DCDC2C: variants seen among roughly 807,000 people sequenced by gnomAD.
DCDC2C encodes doublecortin domain-containing protein 2C.
Under a neutral mutation model 45.0 loss-of-function variants are expected in DCDC2C, and 44 were observed. The ratio of observed to expected loss-of-function variants is 0.98; its 90% CI spans 0.77 to 1.26. The LOEUF (loss-of-function observed/expected upper bound fraction) is 1.26, where lower values mean the gene tolerates loss of function less well. Among genes scored for constraint, DCDC2C ranks in the 50% most tolerant of loss-of-function variants. The probability of loss-of-function intolerance (pLI) is 0.00; values close to 1 mark genes in which losing one functional copy is unlikely to be tolerated. For synonymous variants in DCDC2C, 187 were observed against 178.8 expected, an observed-to-expected ratio of 1.05 and a Z score of -0.37; for missense variants, 447 against 468.9, an observed-to-expected ratio of 0.95 and a Z score of 0.43.
At chr2:3,831,146 T>G (rs1434460103) in intron 10 of DCDC2C, among the ~76,000 whole-genome samples, 2 of 151,254 alleles carry the variant, frequency 1.3e-5, no homozygotes, top group Non-Finnish European at 2.9e-5. Context: ...CCGTAAAAAC[T>G]TGGGGTGGTT....
At chr2:3,725,149 G>A (rs1668605638) in intron 2 of DCDC2C, among the ~76,000 whole-genome samples, 2 of 152,172 alleles carry the variant, frequency 1.3e-5, no homozygotes, top group Non-Finnish European at 2.9e-5. Context: ...CTGGGTGGGT[G>A]TGAAGTAGGC....
In DCDC2C at chr2:3,818,519, G is replaced by T. The variant is rs1436856989; in HGVS notation, c.1066-28635G>T. 1.3e-5 allele frequency among the ~76,000 whole-genome samples: 2 copies of T among 152,162 alleles called. No homozygotes were observed. The highest frequency in any genetic ancestry group is 4.1e-4 in the South Asian group (2 of 4,830). On this transcript the variant is annotated intron_variant, in intron 10 of 10. Coordinates refer to ENST00000399143, the MANE Select transcript of DCDC2C (RefSeq NM_001287444.2). This position sits in a 1 kb window ranked among gnomAD's most constrained non-coding sequence, Gnocchi z 4.7. ...GGCAGATCCTGAACTAACATGTAAG[G>T]CTTGTCCAGTTTTTGGACAGGTACA...
intron 9 of DCDC2C, among the ~76,000 whole-genome samples, chr2:3,784,757 AAATC>A (rs1414937090): frequency 2.6e-5 from 4 of 152,224 alleles, no homozygotes; most frequent in Non-Finnish European, 2.9e-5. Flanking sequence ...AAGTGAAAAA[AAATC>A]AAAGTGTAAC....
intron 4 of DCDC2C, among the ~76,000 whole-genome samples, chr2:3,742,559 T>C (rs1319672673): frequency 6.6e-6 from 1 of 152,192 alleles, no homozygotes; most frequent in Non-Finnish European, 1.5e-5. Flanking sequence ...CTCTCCGCCA[T>C]CTGTGTCTCG....
chr2:3,704,098 C>T, intron 1 of DCDC2C, 60 bp downstream of exon 1: 10 of 1,219,230 alleles, frequency 8.2e-6, no homozygotes, highest in Non-Finnish European at 9.2e-6. Context: ...TGGGTCTGAG[C>T]GTGGTCAGGG....
intron 8 of DCDC2C, among the ~76,000 whole-genome samples, chr2:3,776,482 C>T (rs1223788765): frequency 5.9e-5 from 9 of 152,214 alleles, no homozygotes; most frequent in Non-Finnish European, 1.3e-4. Flanking sequence ...CCACCCATGG[C>T]GCTCCCGGCC....
chr2:3,817,308 C>G (rs1018814198), intron 10 of DCDC2C, among the ~76,000 whole-genome samples: 7 of 152,130 alleles, frequency 4.6e-5, no homozygotes, highest in South Asian at 2.1e-4. Context: ...GATGGAGGAC[C>G]CTTTTGTAGT....
intron 6 of DCDC2C, 93 bp downstream of exon 6, chr2:3,754,727 C>A: frequency 8.9e-7 from 1 of 1,126,696 alleles, no homozygotes; most frequent in Non-Finnish European, 1.3e-6. Flanking sequence ...ACGGCCCGAG[C>A]TGTAAACAGA....
chr2:3,755,561 A>C (rs1669685654), intron 6 of DCDC2C, among the ~76,000 whole-genome samples: 1 of 151,744 alleles, frequency 6.6e-6, no homozygotes, highest in South Asian at 2.1e-4. Context: ...ATGTGTGTGC[A>C]TATGACTATG....
Position 3,788,917 on chromosome 2 carries a change from T to C in DCDC2C, c.1065+3817T>C, listed in dbSNP as rs376117403. Among the ~76,000 whole-genome samples, 13 of 139,554 alleles carry C rather than the reference T, an allele frequency of 9.3e-5. No homozygotes were observed. The South Asian group carries it at 3.3e-3, about 36-fold the overall frequency. 91.6% of individuals were successfully genotyped at this position (139,554 alleles called of 152,430 possible). A position where few individuals can be genotyped will look rare whatever the true frequency, so the allele number is the denominator to read the frequency against. On this transcript the variant is annotated intron_variant, in intron 10 of 10. Coordinates refer to ENST00000399143, the MANE Select transcript of DCDC2C (RefSeq NM_001287444.2). ...TGAGACAGGGTCTCCCTCTGTCACC[T>C]GCAAGCTCCGCCTCCCACGTTCAAA...
chr2:3,787,809 A>G (rs1471537347), intron 10 of DCDC2C, among the ~76,000 whole-genome samples: 1 of 152,222 alleles, frequency 6.6e-6, no homozygotes, highest in Non-Finnish European at 1.5e-5. Context: ...TGTGTAGAGT[A>G]TTAAGAAGGT....
intron 10 of DCDC2C, among the ~76,000 whole-genome samples, chr2:3,800,104 G>A (rs1260554007): frequency 3.3e-5 from 5 of 152,242 alleles, no homozygotes; most frequent in Admixed American, 6.5e-5. Flanking sequence ...GAAAAGCGCA[G>A]TATTCGGGTG....
chr2:3,728,019 A>G (rs927232646), intron 3 of DCDC2C, among the ~76,000 whole-genome samples: 1 of 152,164 alleles, frequency 6.6e-6, no homozygotes, highest in Non-Finnish European at 1.5e-5. Flanking sequence ...ACCATGTTCT[A>G]GTCTAAATGG....
At chr2:3,723,878 C>T (rs1384909620) in intron 2 of DCDC2C, among the ~76,000 whole-genome samples, 6 of 152,084 alleles carry the variant, frequency 3.9e-5, no homozygotes, top group Non-Finnish European at 7.4e-5. Flanking sequence ...GATCCACTGG[C>T]TATGGATAAA....
intron 10 of DCDC2C, among the ~76,000 whole-genome samples, chr2:3,798,335 CTG>C (rs1358985383): frequency 6.6e-6 from 1 of 151,212 alleles, no homozygotes; most frequent in African/African-American, 2.4e-5. Context: ...ATTTGCCAGT[CTG>C]TGTCTTTTAA....
At chr2:3,803,884 C>A (rs753728980) in intron 10 of DCDC2C, among the ~76,000 whole-genome samples, 1 of 152,338 alleles carries the variant, frequency 6.6e-6, no homozygotes, top group East Asian at 1.9e-4. Flanking sequence ...CTTCATGTAC[C>A]CTTGCATGCA....
At chr2:3,787,916 TTC>T (rs1363511660) in intron 10 of DCDC2C, among the ~76,000 whole-genome samples, 5 of 152,238 alleles carry the variant, frequency 3.3e-5, no homozygotes, top group African/African-American at 9.6e-5. Context: ...CTCAGTATAC[TTC>T]AGAATATTGG....
chr2:3,771,098 G>T (rs1191820201), intron 8 of DCDC2C, among the ~76,000 whole-genome samples: 1 of 152,246 alleles, frequency 6.6e-6, no homozygotes, highest in Admixed American at 6.5e-5. Context: ...ATTGTCTGTG[G>T]ATAGGAAGAC....
intron 10 of DCDC2C, among the ~76,000 whole-genome samples, chr2:3,833,227 C>T (rs1418424296): frequency 6.6e-6 from 1 of 152,176 alleles, no homozygotes; most frequent in Non-Finnish European, 1.5e-5. Flanking sequence ...CTGGATGATC[C>T]AGTATACTCG....
Sources: allele counts gnomAD v4.1 joint callset (sites outside exome capture counted in the v4.1 genomes callset), GRCh38; gene constraint gnomAD v4.1.1; non-coding constraint Gnocchi (gnomAD v3.1); transcripts MANE v1.5; gene names NCBI Gene and HGNC (gene_info 2026-07-23, HGNC 2026-07-21).